Variants in ZC3H7A observed in about 807,000 individuals in gnomAD.
ZC3H7A encodes the protein zinc finger CCCH domain-containing protein 7A.
Under a neutral mutation model 125.5 loss-of-function variants are expected in ZC3H7A, and 44 were observed. The ratio of observed to expected loss-of-function variants is 0.35; its 90% CI spans 0.28 to 0.45. ZC3H7A has a LOEUF of 0.45. Ranked by LOEUF, ZC3H7A falls within the 20% of genes least tolerant of loss-of-function variation. The pLI is 1.00. For synonymous variants in ZC3H7A, 399 were observed against 391.2 expected (o/e 1.02, Z -0.23); for missense variants, 977 against 1,170.7 (o/e 0.83, Z 2.41).
intron 1 of ZC3H7A, among the ~76,000 whole-genome samples, chr16:11,791,606 C>T (rs536177336): frequency 3.3e-5 from 5 of 152,276 alleles, no homozygotes; most frequent in African/African-American, 1.2e-4. Context: ...AAGAGAATGC[C>T]TCATACAAAG....
intron 2 of ZC3H7A, 48 bp downstream of exon 2, chr16:11,782,239 C>A (rs1157012268): frequency 6.2e-7 from 1 of 1,607,816 alleles, no homozygotes; most frequent in Non-Finnish European, 8.5e-7. Flanking sequence ...TACATCCACA[C>A]CAAAGAATTA....
chr16:11,786,358 A>T (rs1393968967), intron 1 of ZC3H7A, among the ~76,000 whole-genome samples: 26 of 152,234 alleles, frequency 1.7e-4, no homozygotes, highest in Non-Finnish European at 1.5e-5. Flanking sequence ...CACACAGTTC[A>T]GTGAATGATG....
intron 1 of ZC3H7A, among the ~76,000 whole-genome samples, chr16:11,794,993 C>T (rs776667203): frequency 1.3e-5 from 2 of 152,116 alleles, no homozygotes; most frequent in Non-Finnish European, 2.9e-5. Context: ...AGAAAATCAA[C>T]GGGCTCTTTG....
chr16:11,761,581 C>G, intron 18 of ZC3H7A, 70 bp from the exon 19 acceptor site: 1 of 1,519,306 alleles, frequency 6.6e-7, no homozygotes, highest in African/African-American at 1.4e-5. Flanking sequence ...GGGAGAGGCA[C>G]AAAGTTTGTA....
chr16:11,754,849 A>G (rs560330276), intron 21 of ZC3H7A, among the ~76,000 whole-genome samples: 44 of 140,776 alleles, frequency 3.1e-4, no homozygotes, highest in African/African-American at 1.2e-3. Context: ...CCAAGATCAC[A>G]TCATTGCACT....
intron 1 of ZC3H7A, among the ~76,000 whole-genome samples, chr16:11,795,935 A>T (rs1050222248): frequency 6.6e-6 from 1 of 152,054 alleles, no homozygotes; most frequent in Non-Finnish European, 1.5e-5. Context: ...TCCGAGTAGC[A>T]GATTCTCCCA....
rs1027535724 is a variant in ZC3H7A, at chr16:11,774,118, T to TA, written c.903+117dup. 64 of 1,014,698 alleles carry TA rather than the reference T, an allele frequency of 6.3e-5. No homozygotes were observed. The Middle Eastern group carries it at 1.8e-3, about 28-fold the overall frequency. The allele number at this position is 1,014,698 out of a possible 1,614,324, so 62.9% of individuals were successfully genotyped here. On this transcript the variant is annotated intron_variant, in intron 9 of 22. Coordinates refer to ENST00000355758, the MANE Select transcript of ZC3H7A (RefSeq NM_014153.4). ...GAAGAAAAAAAGTAACTTTCAAGGT[T>TA]AAAAAAACCCCCAAATTCAGCCTAT...
chr16:11,753,887 T>C (rs1375012560), intron 21 of ZC3H7A: 1 of 152,262 alleles, frequency 6.6e-6, no homozygotes, highest in Non-Finnish European at 1.5e-5. Context: ...TAACCTTAGG[T>C]GATCCACCTG....
At chr16:11,758,837 A>C in intron 19 of ZC3H7A, 2 of 314,940 alleles carry the variant, frequency 6.4e-6, no homozygotes, top group Non-Finnish European at 1.2e-5. Flanking sequence ...AATCTCCACA[A>C]TGAACATCCC....
intron 1 of ZC3H7A, among the ~76,000 whole-genome samples, chr16:11,787,845 C>T (rs1311188310): frequency 6.6e-6 from 1 of 151,876 alleles, no homozygotes; most frequent in African/African-American, 2.4e-5. Context: ...ACTCGGAAGG[C>T]TGAGGCAGGA....
intron 1 of ZC3H7A, among the ~76,000 whole-genome samples, chr16:11,785,654 T>G (rs1471065805): frequency 6.6e-6 from 1 of 151,978 alleles, no homozygotes; most frequent in Non-Finnish European, 1.5e-5. Context: ...AGAGTCTCAC[T>G]TGTCACGCAG....
chr16:11,756,366 T>C lies in ZC3H7A; in HGVS notation c.2433A>G (p.Gln811=), dbSNP rs749103656. Residue 811 remains glutamine (Q), a synonymous_variant, in exon 21 of 23, where the codon CAA becomes CAG. Coordinates refer to ENST00000355758, the MANE Select transcript of ZC3H7A (RefSeq NM_014153.4). The part of the protein sequence containing the change: ...VWTYMKENGI[Q]DMEQFYELWL... Reference sequence around the variant, plus strand: ...ATAGTTCGTAAAATTGCTCCATATCTTGTACTAAAGAAAAATGAATTACTT... The same window carrying C: ...ATAGTTCGTAAAATTGCTCCATATCCTGTACTAAAGAAAAATGAATTACTT... The C allele has an allele frequency of 1.2e-6, 2 of 1,608,958 alleles. No individual in the cohort carries two copies. Among genetic ancestry groups the C allele is most frequent in the Non-Finnish European group, 8.5e-7 (1 of 1,178,720 alleles).
In ZC3H7A at chr16:11,751,299, T is replaced by A; in HGVS notation, c.*18A>T. 1 of 1,601,740 alleles carries A rather than the reference T, an allele frequency of 6.2e-7. No individual in the cohort carries two copies. The highest frequency in any genetic ancestry group is 1.1e-5 in the South Asian group (1 of 89,286). On this transcript the variant is annotated 3_prime_UTR_variant, in exon 23 of 23. Transcript: ENST00000355758. ...TGGTCAATGCTCTGATTAGGTATCA[T>A]ACATAAAAGCCAGCATATTAGTTTA...
chr16:11,784,903 A>C (rs558793862), intron 1 of ZC3H7A, among the ~76,000 whole-genome samples: 6 of 150,040 alleles, frequency 4.0e-5, no homozygotes, highest in African/African-American at 1.5e-4. Context: ...TCATGCCTGT[A>C]ATCCCAGCAC....
intron 1 of ZC3H7A, among the ~76,000 whole-genome samples, chr16:11,784,170 C>T (rs2053217664): frequency 6.6e-6 from 1 of 152,036 alleles, no homozygotes; most frequent in Admixed American, 6.5e-5. Flanking sequence ...GCTTTTAAAA[C>T]AGTTTAGCCA....
intron 1 of ZC3H7A, among the ~76,000 whole-genome samples, chr16:11,788,078 C>A (rs56911695): frequency 6.6e-6 from 1 of 151,996 alleles, no homozygotes; most frequent in Non-Finnish European, 1.5e-5. Context: ...TAAAATCTAG[C>A]CTCAATTTTA....
rs756532810 is a variant in ZC3H7A, at chr16:11,770,808, T to C, written c.1083A>G (p.Ser361=). ...CTCGTTTGGATTCACTCATTGAAAA[T>C]GAATTTAAAGAAGAACAAAAATCTT... is the stretch of plus-strand genomic sequence containing the variant. ...SLEDFCSSLN[S]FSMSESKRDL... Residue 361 remains serine (S), a synonymous_variant, in exon 10 of 23, where the codon TCA becomes TCG. Coordinates refer to ENST00000355758, the MANE Select transcript of ZC3H7A (RefSeq NM_014153.4). 36 of 1,613,662 alleles carry C rather than the reference T, an allele frequency of 2.2e-5. No homozygotes were observed. The highest frequency in any genetic ancestry group is 2.8e-5 in the Non-Finnish European group (33 of 1,179,896).
chr16:11,765,740 C>T lies in ZC3H7A; in HGVS notation c.1523-55G>A. On this transcript the variant is annotated intron_variant, in intron 13 of 22. Transcript: ENST00000355758. The surrounding 1 kb of genome is among the most constrained non-coding windows in gnomAD (Gnocchi z 4.8). ...AAAACATGGCAATTGGCCTGTACTC[C>T]CAGCTACTTGGGAGGCTGAGGTGGG... The T allele has an allele frequency of 6.5e-7, 1 of 1,539,360 alleles. No homozygotes were observed. The highest frequency in any genetic ancestry group is 1.2e-5 in the South Asian group (1 of 80,868).
At chr16:11,752,585 C>A in intron 22 of ZC3H7A, 84 bp downstream of exon 22, 1 of 1,505,334 alleles carries the variant, frequency 6.6e-7, no homozygotes, top group African/African-American at 1.4e-5. Flanking sequence ...ACTTTAACAC[C>A]CAGGTATTCC....
Sources: gnomAD v4.1 joint callset for allele counts (sites outside exome capture counted in the v4.1 genomes callset) on GRCh38, gnomAD v4.1.1 for gene constraint, Gnocchi (gnomAD v3.1) non-coding constraint, MANE v1.5 for transcripts, NCBI Gene and HGNC (gene_info 2026-07-23, HGNC 2026-07-21) for gene names.